BDNF: variants seen among roughly 807,000 people sequenced by gnomAD.
BDNF encodes neurotrophic factor BDNF precursor form.
In BDNF, 1 loss-of-function variant was observed where a neutral mutation model predicts 19.5. That is an observed-to-expected ratio of 0.05 (90% CI 0.02 to 0.24). The LOEUF (loss-of-function observed/expected upper bound fraction) is 0.24. Ranked by LOEUF, BDNF falls within the 10% of genes least tolerant of loss-of-function variation. The probability of loss-of-function intolerance (pLI) is 1.00; values close to 1 mark genes in which losing one functional copy is unlikely to be tolerated. For missense variants in BDNF, 195 were observed against 317.6 expected, an observed-to-expected ratio of 0.61 and a Z score of 2.93; for synonymous variants, 100 against 121.6, an observed-to-expected ratio of 0.82 and a Z score of 1.17.
chr11:27,675,561 A>G (rs1438193940), intron 1 of BDNF: 1 of 152,204 alleles, frequency 6.6e-6, no homozygotes, highest in Non-Finnish European at 1.5e-5. Flanking sequence ...TGGTGACACA[A>G]AATCTTTCTT....
At chr11:27,681,938 C>T (rs747992491) in intron 1 of BDNF, among the ~76,000 whole-genome samples, 2 of 152,180 alleles carry the variant, frequency 1.3e-5, no homozygotes, top group African/African-American at 2.4e-5. Context: ...TGGAGTCAAA[C>T]TCGATCCTCC....
intron 1 of BDNF, chr11:27,660,096 A>G (rs41274434): frequency 4.1e-6 from 3 of 735,098 alleles, no homozygotes; most frequent in Non-Finnish European, 5.3e-6. Context: ...TATCCAAATA[A>G]GTAGGAAAAG....
At chr11:27,669,273 A>G (rs1420266976) in intron 1 of BDNF, among the ~76,000 whole-genome samples, 1 of 152,214 alleles carries the variant, frequency 6.6e-6, no homozygotes, top group Non-Finnish European at 1.5e-5. Flanking sequence ...AATAAGAGCT[A>G]TTCACGACAA....
intron 1 of BDNF, among the ~76,000 whole-genome samples, chr11:27,666,908 A>G (rs574156865): frequency 6.6e-6 from 1 of 152,312 alleles, no homozygotes; most frequent in South Asian, 2.1e-4. Flanking sequence ...AAATTCAGGA[A>G]ATACAGAGAA....
At chr11:27,720,204 T>C in intron 1 of BDNF, 1 of 506,996 alleles carries the variant, frequency 2.0e-6, no homozygotes, top group Non-Finnish European at 2.5e-6. Flanking sequence ...CTAGGGCAAT[T>C]CAAACTGGGC....
chr11:27,666,259 C>G (rs1418651875), intron 1 of BDNF, among the ~76,000 whole-genome samples: 3 of 152,106 alleles, frequency 2.0e-5, no homozygotes, highest in Non-Finnish European at 4.4e-5. Flanking sequence ...CACCAAAACC[C>G]CATCTGTACG....
At chr11:27,688,672 T>G (rs1286360942) in intron 1 of BDNF, among the ~76,000 whole-genome samples, 1 of 152,158 alleles carries the variant, frequency 6.6e-6, no homozygotes, top group Non-Finnish European at 1.5e-5. Context: ...GGAGTTCCCC[T>G]GACCCCTTGC....
In BDNF at chr11:27,721,691, C is replaced by A. The variant is rs1197419218; in HGVS notation, c.-277G>T. On this transcript the variant is annotated 5_prime_UTR_variant, in exon 1 of 2. Coordinates refer to the BDNF transcript ENST00000314915. ...GCAAACGCCCTCACTCCGAGAGACA[C>A]GTTTCCTTTTGAGTTCTTACGTGAT... 21 of 549,706 alleles carry A rather than the reference C, an allele frequency of 3.8e-5. No homozygotes were observed. In the East Asian group the frequency reaches 5.2e-4, roughly 14 times the overall value. The allele number at this position is 549,706 out of a possible 1,614,324, so 34.1% of individuals were successfully genotyped here. A position where few individuals can be genotyped will look rare whatever the true frequency, so the allele number is the denominator to read the frequency against.
chr11:27,665,803 A>T (rs1462558405), intron 1 of BDNF, among the ~76,000 whole-genome samples: 1 of 152,204 alleles, frequency 6.6e-6, no homozygotes, highest in Non-Finnish European at 1.5e-5. Context: ...CCGCAGCTCA[A>T]GGAGGCCTGC....
intron 1 of BDNF, among the ~76,000 whole-genome samples, chr11:27,675,107 A>G (rs779909234): frequency 6.6e-6 from 1 of 152,172 alleles, no homozygotes; most frequent in South Asian, 2.1e-4. Context: ...GGGGTCAGAC[A>G]TAGATGTGGT....
At chr11:27,687,153 A>C (rs1385806906) in intron 1 of BDNF, among the ~76,000 whole-genome samples, 1 of 151,970 alleles carries the variant, frequency 6.6e-6, no homozygotes, top group Non-Finnish European at 1.5e-5. Context: ...TATTTCATTA[A>C]ATTGATCTTC....
In BDNF at chr11:27,657,748, T is replaced by G. The variant is rs1852762269; in HGVS notation, c.*73A>C. On this transcript the variant is annotated 3_prime_UTR_variant, in exon 2 of 2. Coordinates refer to ENST00000356660, the MANE Select transcript of BDNF (RefSeq NM_001709.5). This position sits in a 1 kb window ranked among gnomAD's most constrained non-coding sequence, Gnocchi z 5.0. ...ATTATTTTTTTCTTAACTGAATAAT[T>G]TACCCTGTTATGTATATATACAAAT... The G allele has an allele frequency of 5.1e-6, 8 of 1,582,940 alleles. No individual in the cohort carries two copies. The East Asian group carries it at 1.6e-4, about 32-fold the overall frequency.
Position 27,657,459 on chromosome 11 carries a change from G to A in BDNF, c.*362C>T. On this transcript the variant is annotated 3_prime_UTR_variant, in exon 2 of 2. Transcript: ENST00000356660. This position sits in a 1 kb window ranked among gnomAD's most constrained non-coding sequence, Gnocchi z 5.0. ...TGGTTCAAATTTTTGTTGTGTGTGT[G>A]TGTGTTTTTTTTCTGTTTTCTGAAA... The A allele has an allele frequency of 9.9e-7, 1 of 1,006,730 alleles. No homozygotes were observed. Among genetic ancestry groups the A allele is most frequent in the Non-Finnish European group, 1.2e-6 (1 of 845,478 alleles). 62.4% of individuals were successfully genotyped at this position (1,006,730 alleles called of 1,614,324 possible). A position where few individuals can be genotyped will look rare whatever the true frequency, so the allele number is the denominator to read the frequency against.
chr11:27,678,802 T>TA lies in BDNF; in HGVS notation c.-21-20218dup, dbSNP rs745315344. 2.0e-5 allele frequency among the ~76,000 whole-genome samples: 3 copies of TA among 151,764 alleles called. No homozygotes were observed. In the East Asian group the frequency reaches 5.8e-4, roughly 29 times the overall value. On this transcript the variant is annotated intron_variant, in intron 1 of 1. Transcript: ENST00000356660. ...TGAAAAACCATTCTTTAAAAGGGGT[T>TA]AAAAAAAACACTCAAAAAACTTCTC... is the stretch of plus-strand genomic sequence containing the variant.
chr11:27,664,855 T>G (rs1330047457), intron 1 of BDNF, among the ~76,000 whole-genome samples: 2 of 152,120 alleles, frequency 1.3e-5, no homozygotes, highest in African/African-American at 4.8e-5. Context: ...CACAGTCACA[T>G]CGAACCTTGC....
chr11:27,660,065 T>C (rs1853214985), intron 1 of BDNF: 2 of 457,482 alleles, frequency 4.4e-6, no homozygotes, highest in Non-Finnish European at 6.4e-6. Context: ...AAAAGACACA[T>C]ACATGCAATG....
At chr11:27,701,743 C>G, upstream of BDNF, 1 of 462,758 alleles carries the variant, frequency 2.2e-6, no homozygotes, top group Non-Finnish European at 2.8e-6. Flanking sequence ...CAAAATTCAG[C>G]GCATTTAAAA....
intron 1 of BDNF, among the ~76,000 whole-genome samples, chr11:27,717,967 G>A (rs1860578953): frequency 6.6e-6 from 1 of 151,742 alleles, no homozygotes; most frequent in East Asian, 1.9e-4. Flanking sequence ...AGACTGTTAA[G>A]CATTTTTCCT....
intron 1 of BDNF, chr11:27,719,637 GA>G (rs1037665297): frequency 1.3e-4 from 124 of 929,094 alleles, no homozygotes; most frequent in Middle Eastern, 5.5e-4. Context: ...GGACAGAAGG[GA>G]AAAAAAAAAG....
Sources: gnomAD v4.1 joint callset for allele counts (sites outside exome capture counted in the v4.1 genomes callset) on GRCh38, gnomAD v4.1.1 for gene constraint, Gnocchi (gnomAD v3.1) non-coding constraint, MANE v1.5 for transcripts, NCBI Gene and HGNC (gene_info 2026-07-23, HGNC 2026-07-21) for gene names.